EXOC4: variants seen among roughly 807,000 people sequenced by gnomAD.
EXOC4 encodes the protein SEC8-like 1.
EXOC4 carries 71 observed loss-of-function variants against 107.2 expected under a neutral mutation model. The observed-to-expected ratio is 0.66, with a 90% CI of 0.55 to 0.81. The LOEUF is 0.81. EXOC4 is among the 30% of genes least tolerant of loss of function. EXOC4 has a pLI of 0.00. For synonymous variants in EXOC4, 456 were observed against 441.2 expected (o/e 1.03, Z -0.42); for missense variants, 1,108 against 1,189.6 (o/e 0.93, Z 1.01).
chr7:133,816,265 C>T (rs1305675655), intron 10 of EXOC4, among the ~76,000 whole-genome samples: 2 of 152,172 alleles, frequency 1.3e-5, no homozygotes, highest in East Asian at 1.9e-4. Flanking sequence ...ACAGTAGTAA[C>T]TTCAATTTGT....
At chr7:133,956,778 T>C (rs189867700) in intron 14 of EXOC4, among the ~76,000 whole-genome samples, 21 of 152,126 alleles carry the variant, frequency 1.4e-4, no homozygotes, top group African/African-American at 5.1e-4. Flanking sequence ...CCAATCAAGA[T>C]TTAAGAGGTG....
At chr7:133,500,115 T>C (rs1799549933) in intron 9 of EXOC4, among the ~76,000 whole-genome samples, 1 of 152,196 alleles carries the variant, frequency 6.6e-6, no homozygotes, top group South Asian at 2.1e-4. Flanking sequence ...ATAACTTGCA[T>C]TTGAAATGGC....
At chr7:134,014,596 C>A (rs927639921) in intron 17 of EXOC4, among the ~76,000 whole-genome samples, 1 of 151,824 alleles carries the variant, frequency 6.6e-6, no homozygotes, top group Admixed American at 6.6e-5. Context: ...CCAAAATAGT[C>A]AAATTTATAG....
chr7:134,057,448 C>T (rs1334089248), intron 17 of EXOC4, among the ~76,000 whole-genome samples: 2 of 151,958 alleles, frequency 1.3e-5, no homozygotes, highest in South Asian at 4.2e-4. Context: ...TAGCTTTTCT[C>T]CACCTTAGTT....
At chr7:133,984,695 T>G (rs1235760218) in intron 14 of EXOC4, among the ~76,000 whole-genome samples, 1 of 152,112 alleles carries the variant, frequency 6.6e-6, no homozygotes, top group Non-Finnish European at 1.5e-5. Flanking sequence ...GCAAATACAG[T>G]GCAAGATGAA....
At chr7:134,041,406 T>G (rs1403153781) in intron 17 of EXOC4, among the ~76,000 whole-genome samples, 1 of 152,198 alleles carries the variant, frequency 6.6e-6, no homozygotes, top group Non-Finnish European at 1.5e-5. Context: ...ATGTAGACAT[T>G]AATAACTGAT....
chr7:133,360,938 CT>C (rs1796122235), intron 6 of EXOC4, among the ~76,000 whole-genome samples: 1 of 151,934 alleles, frequency 6.6e-6, no homozygotes, highest in Non-Finnish European at 1.5e-5. Flanking sequence ...ATATGTGTAT[CT>C]TTATATATAT....
At chr7:133,880,355 A>G (rs573950198) in intron 11 of EXOC4, among the ~76,000 whole-genome samples, 61 of 152,288 alleles carry the variant, frequency 4.0e-4, no homozygotes, top group Non-Finnish European at 6.5e-4. Flanking sequence ...AGCATCTTCT[A>G]TTTAGCTGAA....
chr7:133,926,056 A>G (rs1800044487), intron 13 of EXOC4, among the ~76,000 whole-genome samples: 2 of 151,436 alleles, frequency 1.3e-5, no homozygotes, highest in African/African-American at 4.9e-5. Flanking sequence ...AAAAAAAAAA[A>G]AAAAAGAAGA....
At chr7:133,569,440 A>C (rs1377638683) in intron 9 of EXOC4, among the ~76,000 whole-genome samples, 2 of 152,228 alleles carry the variant, frequency 1.3e-5, no homozygotes, top group African/African-American at 2.4e-5. Flanking sequence ...AATCTTTAGG[A>C]AAGTGAATAC....
intron 9 of EXOC4, among the ~76,000 whole-genome samples, chr7:133,614,265 G>A (rs1802138154): frequency 6.6e-6 from 1 of 152,120 alleles, no homozygotes; most frequent in South Asian, 2.1e-4. Flanking sequence ...ATTTATGATT[G>A]GGACTGCCCT....
intron 5 of EXOC4, among the ~76,000 whole-genome samples, chr7:133,349,304 G>T (rs1313213873): frequency 6.6e-6 from 1 of 151,968 alleles, no homozygotes; most frequent in African/African-American, 2.4e-5. Flanking sequence ...ACTCATTAAA[G>T]ACCAATTCCC....
chr7:133,884,142 T>A (rs1799027158), intron 11 of EXOC4, among the ~76,000 whole-genome samples: 1 of 152,178 alleles, frequency 6.6e-6, no homozygotes, highest in African/African-American at 2.4e-5. Flanking sequence ...TGCCAAACCC[T>A]TGTTAACCTC....
At chr7:133,647,309 G>A (rs543201805) in intron 10 of EXOC4, among the ~76,000 whole-genome samples, 18 of 152,184 alleles carry the variant, frequency 1.2e-4, no homozygotes, top group African/African-American at 1.7e-4. Context: ...TGAAATTTGC[G>A]TATGTATTGC....
At chr7:133,925,787 C>T (rs551418883) in intron 13 of EXOC4, among the ~76,000 whole-genome samples, 1 of 152,142 alleles carries the variant, frequency 6.6e-6, no homozygotes, top group Admixed American at 6.5e-5. Flanking sequence ...CCTGTAATCC[C>T]AGCACTTTGG....
intron 17 of EXOC4, among the ~76,000 whole-genome samples, chr7:134,038,068 C>CT (rs1382673700): frequency 6.6e-6 from 1 of 152,210 alleles, no homozygotes; most frequent in Non-Finnish European, 1.5e-5. Flanking sequence ...CCTATACCTA[C>CT]TATGGACCAC....
At chr7:133,747,540 T>G (rs188671363) in intron 10 of EXOC4, among the ~76,000 whole-genome samples, 23 of 152,288 alleles carry the variant, frequency 1.5e-4, no homozygotes, top group Non-Finnish European at 2.5e-4. Flanking sequence ...TAACATTTAT[T>G]TAAAATCACA....
chr7:133,373,979 G>A (rs1415558792), intron 6 of EXOC4, among the ~76,000 whole-genome samples: 2 of 152,110 alleles, frequency 1.3e-5, no homozygotes, highest in South Asian at 2.1e-4. Context: ...AGACAAAAGA[G>A]TATACAAGTT....
intron 7 of EXOC4, among the ~76,000 whole-genome samples, chr7:133,380,807 T>C (rs545124379): frequency 2.0e-5 from 3 of 152,284 alleles, no homozygotes; most frequent in Non-Finnish European, 4.4e-5. Context: ...GCATAAGCTA[T>C]TTGACAGAGA....
Sources: allele counts gnomAD v4.1 joint callset (sites outside exome capture counted in the v4.1 genomes callset), GRCh38; gene constraint gnomAD v4.1.1; transcripts MANE v1.5; gene names NCBI Gene and HGNC (gene_info 2026-07-23, HGNC 2026-07-21).